Variants in CIDEB observed in about 807,000 individuals in gnomAD.
CIDEB encodes the protein lipid transferase CIDEB.
A neutral mutation model predicts 22.4 loss-of-function variants in CIDEB; 27 were observed. The ratio of observed to expected loss-of-function variants is 1.21; its 90% confidence interval spans 0.89 to 1.66. The LOEUF is 1.66. Ranked by LOEUF, CIDEB falls within the 40% of genes most tolerant of loss-of-function variation. The pLI, the probability that CIDEB is intolerant of heterozygous loss-of-function variation, is 0.00. For missense variants in CIDEB, 289 were observed against 268.7 expected, an observed-to-expected ratio of 1.08 and a Z score of -0.53; for synonymous variants, 103 against 109.5, an observed-to-expected ratio of 0.94 and a Z score of 0.37.
upstream of CIDEB, chr14:24,310,738 C>G (rs752043279): frequency 1.2e-6 from 2 of 1,612,038 alleles, no homozygotes; most frequent in Non-Finnish European, 1.7e-6. Flanking sequence ...ACAGGCACAG[C>G]CTTCCTGCTG....
chr14:24,310,255 G>C (rs1168148421), upstream of CIDEB: 1 of 514,106 alleles, frequency 1.9e-6, no homozygotes, highest in Non-Finnish European at 3.5e-6. Flanking sequence ...CTCCCAGCTT[G>C]GTAAGTAGAT....
At position 24,307,351 on chromosome 14, in the gene CIDEB, G is replaced by T. The variant is rs376584619; in HGVS notation, c.186+20C>A. ...CTTGGCTACCCCTGCTATAGGAACC[G>T]AGGAACTTGGCCTACTTACTTTGGC... On this transcript the variant is annotated intron_variant, in intron 2 of 4. Transcript: ENST00000554411. 1 of 1,606,736 alleles carries T rather than the reference G, an allele frequency of 6.2e-7. No individual in the cohort carries two copies. Among genetic ancestry groups the T allele is most frequent in the African/African-American group, 1.3e-5 (1 of 74,858 alleles).
Position 24,307,912 on chromosome 14 carries a change from G to C in CIDEB, c.-54C>G. The C allele has an allele frequency of 6.7e-7, 1 of 1,481,920 alleles. No homozygotes were observed. Among genetic ancestry groups the C allele is most frequent in the Non-Finnish European group, 9.3e-7 (1 of 1,080,976 alleles). 91.8% of individuals were successfully genotyped at this position (1,481,920 alleles called of 1,614,324 possible). On this transcript the variant is annotated 5_prime_UTR_variant, in exon 1 of 5. Transcript: ENST00000554411. ...CTTCTGGGCTGGGTGGTTCTCTCCTGTGCTGGGGCTTTAGTGGTGTTTTCT... is the reference window on the plus strand; with the variant it reads ...CTTCTGGGCTGGGTGGTTCTCTCCTCTGCTGGGGCTTTAGTGGTGTTTTCT...
At chr14:24,310,342 G>A (rs1045288305), upstream of CIDEB, 6 of 601,864 alleles carry the variant, frequency 1.0e-5, no homozygotes, top group Middle Eastern at 4.4e-4. Flanking sequence ...AGAAGGAGGG[G>A]CCAGACTAGA....
Position 24,307,185 on chromosome 14 carries a change from A to G in CIDEB, c.186+186T>C, listed in dbSNP as rs2041537374. 4 of 575,348 alleles carry G rather than the reference A, an allele frequency of 7.0e-6. No homozygotes were observed. In the African/African-American group the frequency reaches 7.6e-5, roughly 11 times the overall value. The allele number at this position is 575,348 out of a possible 1,614,324, so 35.6% of individuals were successfully genotyped here. A position where few individuals can be genotyped will look rare whatever the true frequency, so the allele number is the denominator to read the frequency against. Reference sequence around the variant, plus strand: ...TCCTGCTAACCCCTGCTCCCATAGAAAAGCTCACTCGGTGGAAAATGAACA... The same window carrying G: ...TCCTGCTAACCCCTGCTCCCATAGAGAAGCTCACTCGGTGGAAAATGAACA... On this transcript the variant is annotated intron_variant, in intron 2 of 4. Transcript: ENST00000554411.
rs954008042 is a variant in CIDEB, at chr14:24,305,657, C to T, written c.636G>A (p.Gln212=). ...CTTAGTAGGAATGGAGGCGGCCCTTCTGCTGCCACTGCTCAGCCCCCTCCA... is the reference window on the plus strand; with the variant it reads ...CTTAGTAGGAATGGAGGCGGCCCTTTTGCTGCCACTGCTCAGCCCCCTCCA... ...HAVEGAEQWQ[Q]KGRLHSY The change falls in exon 5 of 5, where the codon CAG becomes CAA. Residue 212 remains glutamine (Q), a synonymous_variant. Coordinates refer to ENST00000554411, the MANE Select transcript of CIDEB (RefSeq NM_001393339.1). 1.2e-6 allele frequency: 2 copies of T among 1,613,870 alleles called. No homozygotes were observed. Among genetic ancestry groups the T allele is most frequent in the Admixed American group, 3.3e-5 (2 of 59,952 alleles).
upstream of CIDEB, chr14:24,311,415 G>A: frequency 6.2e-7 from 1 of 1,601,462 alleles, no homozygotes. Context: ...GGCGGTCGCA[G>A]CGCTGGCTCC....
chr14:24,307,726 G>C (rs2041562939), intron 1 of CIDEB, 92 bp downstream of exon 1: 1 of 1,383,794 alleles, frequency 7.2e-7, no homozygotes, highest in Admixed American at 2.0e-5. Context: ...AGAGGAAGGG[G>C]TACTGGTTAG....
intron 2 of CIDEB, 96 bp from the exon 3 acceptor site, chr14:24,306,619 C>T (rs2041517464): frequency 2.6e-6 from 4 of 1,519,682 alleles, no homozygotes; most frequent in Middle Eastern, 1.7e-4. Context: ...AGACATTGGT[C>T]GATGTCCCAC....
In CIDEB at chr14:24,305,958, C is replaced by T. The variant is rs2041490270; in HGVS notation, c.516G>A (p.Lys172=). The T allele has an allele frequency of 6.2e-7, 1 of 1,613,446 alleles. No homozygotes were observed. Among genetic ancestry groups the T allele is most frequent in the Admixed American group, 1.7e-5 (1 of 59,968 alleles). ...TGTTGATTTCTGACCTGAGTACTTT[C>T]TTTGGGCCAAGTCCTTGAAAGTCAC... ...MSCDFQGLGP[K]KVLRELLRWT... The change falls in exon 4 of 5, where the codon AAG becomes AAA. Residue 172 remains lysine (K), a synonymous_variant. Transcript: ENST00000554411.
chr14:24,305,316 G>A lies in CIDEB; in HGVS notation c.*317C>T, dbSNP rs1374216999. 1.1e-5 allele frequency: 6 copies of A among 562,498 alleles called. No homozygotes were observed. Among genetic ancestry groups the A allele is most frequent in the Non-Finnish European group, 1.8e-5 (6 of 338,570 alleles). The allele number at this position is 562,498 out of a possible 1,614,324, so 34.8% of individuals were successfully genotyped here. A position where few individuals can be genotyped will look rare whatever the true frequency, so the allele number is the denominator to read the frequency against. On this transcript the variant is annotated 3_prime_UTR_variant, in exon 5 of 5. Coordinates refer to ENST00000554411, the MANE Select transcript of CIDEB (RefSeq NM_001393339.1). The stretch of plus-strand genomic sequence containing the variant: ...TATGCTGGGGAGTTTAGGGACAGGA[G>A]GCATTGGTAGGGGATTAGATGTAGC...
In CIDEB at chr14:24,305,294, G is replaced by T. The variant is rs560250067; in HGVS notation, c.*339C>A. 7 of 615,736 alleles carry T rather than the reference G, an allele frequency of 1.1e-5. No homozygotes were observed. The East Asian group carries it at 1.9e-4, about 16-fold the overall frequency. 38.1% of individuals were successfully genotyped at this position (615,736 alleles called of 1,614,324 possible). On this transcript the variant is annotated 3_prime_UTR_variant, in exon 5 of 5. Transcript: ENST00000554411. ...AGTCAGAGAGGGCTGTCATCAGTAT[G>T]CTGGGGAGTTTAGGGACAGGAGGCA...
At chr14:24,306,268 A>G in intron 3 of CIDEB, 106 bp downstream of exon 3, 3 of 1,546,138 alleles carry the variant, frequency 1.9e-6, no homozygotes, top group Non-Finnish European at 2.7e-6. Context: ...ACAATTCCAC[A>G]ACTCCTCCTG....
At chr14:24,308,081 C>G (rs1035557583), upstream of CIDEB, 7 of 586,964 alleles carry the variant, frequency 1.2e-5, no homozygotes, top group African/African-American at 1.3e-4. Flanking sequence ...GGAAGAATTG[C>G]CTGGCAAAAG....
upstream of CIDEB, chr14:24,310,369 T>C (rs2041650259): frequency 1.6e-6 from 1 of 608,948 alleles, no homozygotes; most frequent in African/African-American, 1.9e-5. Context: ...GTGGTAGAGA[T>C]AGTGACAGCC....
intron 3 of CIDEB, 27 bp from the exon 4 acceptor site, chr14:24,306,164 A>G (rs772912573): frequency 1.2e-6 from 2 of 1,604,138 alleles, no homozygotes; most frequent in South Asian, 2.2e-5. Context: ...TCAGTGCAGT[A>G]GATCCTCATA....
upstream of CIDEB, chr14:24,309,913 C>T (rs1323107926): frequency 6.5e-6 from 1 of 153,562 alleles, no homozygotes; most frequent in Non-Finnish European, 1.5e-5. Flanking sequence ...GGATTGGGGC[C>T]AGAGCTGGGG....
At chr14:24,307,985 G>T, upstream of CIDEB, 1 of 873,712 alleles carries the variant, frequency 1.1e-6, no homozygotes, top group Non-Finnish European at 1.9e-6. Flanking sequence ...AATGAGTCAA[G>T]CCTGGACTCT....
chr14:24,310,758 C>T, upstream of CIDEB: 1 of 1,608,688 alleles, frequency 6.2e-7, no homozygotes. Flanking sequence ...GCTGGCGGCG[C>T]TGCTGGGGCT....
Sources: allele counts gnomAD v4.1 joint callset, GRCh38; gene constraint gnomAD v4.1.1; transcripts MANE v1.5; gene names NCBI Gene and HGNC (gene_info 2026-07-23, HGNC 2026-07-21).